The following VWA3B variants were observed in gnomAD, a reference collection of about 807,000 sequenced individuals.
The protein encoded by VWA3B is von Willebrand factor A domain-containing protein 3B.
Under a neutral mutation model 158.3 loss-of-function variants are expected in VWA3B, and 138 were observed. That is an observed-to-expected ratio of 0.87 (90% CI 0.76 to 1.00). The LOEUF is 1.00. Ranked by LOEUF, VWA3B falls within the 50% of genes least tolerant of loss-of-function variation. The pLI, the probability that VWA3B is intolerant of heterozygous loss-of-function variation, is 0.00. For missense variants in VWA3B, 1,555 were observed against 1,565.1 expected (o/e 0.99, Z 0.11); for synonymous variants, 596 against 587.3 (o/e 1.01, Z -0.21).
chr2:98,260,336 T>G (rs1687404481), intron 21 of VWA3B, among the ~76,000 whole-genome samples: 1 of 151,728 alleles, frequency 6.6e-6, no homozygotes, highest in African/African-American at 2.4e-5. Flanking sequence ...CAACTATTTT[T>G]ACACAGTTGG....
intron 20 of VWA3B, among the ~76,000 whole-genome samples, chr2:98,253,855 C>T (rs1044969381): frequency 6.6e-5 from 10 of 152,058 alleles, no homozygotes; most frequent in Non-Finnish European, 1.2e-4. Context: ...CTGGACCAGC[C>T]GCAGAGAGGC....
chr2:98,261,248 C>A (rs781431291), intron 21 of VWA3B, among the ~76,000 whole-genome samples: 3 of 151,664 alleles, frequency 2.0e-5, no homozygotes, highest in African/African-American at 7.3e-5. Flanking sequence ...TTATAACAAT[C>A]TTGTTTGAAT....
intron 7 of VWA3B, among the ~76,000 whole-genome samples, chr2:98,144,819 G>A (rs995253827): frequency 6.0e-5 from 5 of 82,792 alleles, no homozygotes; most frequent in African/African-American, 1.2e-4. Flanking sequence ...CACCCACCTC[G>A]GCCTCCCAAG....
At chr2:98,126,462 T>C (rs1446991847) in intron 5 of VWA3B, among the ~76,000 whole-genome samples, 2 of 152,166 alleles carry the variant, frequency 1.3e-5, no homozygotes, top group Non-Finnish European at 2.9e-5. Context: ...CCTGTCCCCA[T>C]GCTAAACTTG....
In VWA3B at chr2:98,313,122, G is replaced by C. The variant is rs1303166342; in HGVS notation, c.*773G>C. On this transcript the variant is annotated 3_prime_UTR_variant, in exon 28 of 28. Coordinates refer to ENST00000477737, the MANE Select transcript of VWA3B (RefSeq NM_144992.5). The stretch of plus-strand genomic sequence containing the variant: ...GAAAATAGAGCACAGGTCATCACTA[G>C]GGAAAATATTGGATGCTTTTTGCAA... 1 of 152,156 alleles carries C rather than the reference G, an allele frequency of 6.6e-6. No homozygotes were observed. The highest frequency in any genetic ancestry group is 6.5e-5 in the Admixed American group (1 of 15,274). The allele number at this position is 152,156 out of a possible 1,614,324, so 9.4% of individuals were successfully genotyped here. A position where few individuals can be genotyped will look rare whatever the true frequency, so the allele number is the denominator to read the frequency against.
intron 12 of VWA3B, among the ~76,000 whole-genome samples, chr2:98,200,277 T>A (rs192797661): frequency 0.028 from 4,330 of 152,214 alleles, 93 homozygotes; most frequent in Middle Eastern, 0.068. Context: ...GCACGGTGGC[T>A]CACGCCTGTA....
chr2:98,189,128 GC>G (rs1681368380), intron 10 of VWA3B, among the ~76,000 whole-genome samples: 1 of 152,018 alleles, frequency 6.6e-6, no homozygotes, highest in Non-Finnish European at 1.5e-5. Context: ...TGCTGTTTAG[GC>G]TGGGCGCAGT....
chr2:98,113,626 A>G (rs1030480175), intron 2 of VWA3B, among the ~76,000 whole-genome samples: 3 of 152,182 alleles, frequency 2.0e-5, no homozygotes, highest in African/African-American at 4.8e-5. Context: ...ATATTCACAG[A>G]TATGTGCAAC....
intron 5 of VWA3B, among the ~76,000 whole-genome samples, chr2:98,126,471 T>A (rs535657242): frequency 2.0e-5 from 3 of 152,294 alleles, no homozygotes; most frequent in African/African-American, 7.2e-5. Context: ...ATGCTAAACT[T>A]GGGCACTGCC....
At chr2:98,229,864 C>A (rs142256921) in intron 15 of VWA3B, among the ~76,000 whole-genome samples, 186 bp from the exon 16 acceptor site, 56 of 152,240 alleles carry the variant, frequency 3.7e-4, no homozygotes, top group African/African-American at 1.3e-3. Flanking sequence ...AAGGCTGGGC[C>A]CCTCTCCACT....
At chr2:98,283,118 A>G (rs1426655159) in intron 22 of VWA3B, among the ~76,000 whole-genome samples, 1 of 152,276 alleles carries the variant, frequency 6.6e-6, no homozygotes, top group Non-Finnish European at 1.5e-5. Flanking sequence ...GAGAGAATCA[A>G]TATTTGGAAT....
intron 2 of VWA3B, among the ~76,000 whole-genome samples, chr2:98,096,888 T>C (rs894505048): frequency 6.6e-6 from 1 of 152,142 alleles, no homozygotes; most frequent in African/African-American, 2.4e-5. Context: ...GATATTTTTA[T>C]GTATTTGTAT....
intron 2 of VWA3B, among the ~76,000 whole-genome samples, chr2:98,103,418 T>C (rs1683222992): frequency 6.6e-6 from 1 of 152,200 alleles, no homozygotes; most frequent in Non-Finnish European, 1.5e-5. Context: ...AATATAATCA[T>C]TTAAAATTGT....
At chr2:98,101,554 AC>A (rs1390787649) in intron 2 of VWA3B, among the ~76,000 whole-genome samples, 1 of 152,208 alleles carries the variant, frequency 6.6e-6, no homozygotes, top group Non-Finnish European at 1.5e-5. Context: ...CCATTTTTTA[AC>A]CAGATTATTT....
At chr2:98,212,140 C>G (rs1683580915) in intron 13 of VWA3B, 112 bp downstream of exon 13, 1 of 812,264 alleles carries the variant, frequency 1.2e-6, no homozygotes, top group Non-Finnish European at 2.0e-6. Context: ...TGGACATATA[C>G]TTCCTTGGCT....
chr2:98,104,881 A>G (rs1573769689), intron 2 of VWA3B, among the ~76,000 whole-genome samples: 1 of 152,206 alleles, frequency 6.6e-6, no homozygotes, highest in East Asian at 1.9e-4. Context: ...TTCATATAAA[A>G]TGAAACAAGT....
intron 7 of VWA3B, among the ~76,000 whole-genome samples, chr2:98,161,083 G>A (rs187947267): frequency 9.2e-5 from 14 of 152,318 alleles, no homozygotes; most frequent in African/African-American, 3.4e-4. Context: ...CCCGTAGACT[G>A]GAGGGTGGTC....
chr2:98,296,836 A>C (rs1195401660), intron 23 of VWA3B, among the ~76,000 whole-genome samples: 2 of 151,938 alleles, frequency 1.3e-5, no homozygotes. Context: ...ATCTTAACAC[A>C]GGTATTTTCT....
At chr2:98,240,119 G>A (rs757483638) in intron 19 of VWA3B, among the ~76,000 whole-genome samples, 16 of 152,192 alleles carry the variant, frequency 1.1e-4, no homozygotes, top group Admixed American at 3.3e-4. Flanking sequence ...AAGGAAACAC[G>A]TTGAATAGTT....
Sources: allele counts gnomAD v4.1 joint callset (sites outside exome capture counted in the v4.1 genomes callset), GRCh38; gene constraint gnomAD v4.1.1; transcripts MANE v1.5; gene names NCBI Gene and HGNC (gene_info 2026-07-23, HGNC 2026-07-21).